The following PRKD2 variants were observed in gnomAD, a reference collection of about 807,000 sequenced individuals.
PRKD2 encodes protein kinase D2.
Under a neutral mutation model 86.0 loss-of-function variants are expected in PRKD2, and 22 were observed. The ratio of observed to expected loss-of-function variants is 0.26; its 90% confidence interval spans 0.18 to 0.37. PRKD2 has a LOEUF of 0.37. Ranked by LOEUF, PRKD2 falls within the 10% of genes least tolerant of loss-of-function variation. The pLI, the probability that PRKD2 is intolerant of heterozygous loss-of-function variation, is 1.00. For synonymous variants in PRKD2, 509 were observed against 510.9 expected, an observed-to-expected ratio of 1.00 and a Z score of 0.05; for missense variants, 818 against 1,199.2, an observed-to-expected ratio of 0.68 and a Z score of 4.70.
At position 46,678,666 on chromosome 19, in the gene PRKD2, G is replaced by A. The variant is rs1243546230; in HGVS notation, c.2071-3C>T. On this transcript the variant is annotated splice_region_variant and splice_polypyrimidine_tract_variant and intron_variant, in intron 15 of 17. Transcript: ENST00000291281. The surrounding 1 kb of genome is among the most constrained non-coding windows in gnomAD (Gnocchi z 5.7). Reference sequence around the variant, plus strand: ...AAGCCAAAGTCACACAGCTTCACCTGCAGAGGGCAAGGGATGGAGGCTCCA... The same window carrying A: ...AAGCCAAAGTCACACAGCTTCACCTACAGAGGGCAAGGGATGGAGGCTCCA... 6.2e-7 allele frequency: 1 copy of A among 1,601,466 alleles called. No homozygotes were observed. Among genetic ancestry groups the A allele is most frequent in the African/African-American group, 1.3e-5 (1 of 75,002 alleles).
At chr19:46,695,674 G>C (rs1291475761) in intron 9 of PRKD2, among the ~76,000 whole-genome samples, 1 of 152,110 alleles carries the variant, frequency 6.6e-6, no homozygotes, top group Non-Finnish European at 1.5e-5. Flanking sequence ...AGGCTGAGGG[G>C]ACCCAGGCGG....
intron 3 of PRKD2, 34 bp from the exon 4 acceptor site, chr19:46,704,683 G>A (rs773201993): frequency 1.3e-6 from 2 of 1,565,156 alleles, no homozygotes; most frequent in East Asian, 2.2e-5. Context: ...GAGACATGGC[G>A]TCTGCCCCTC....
At chr19:46,703,948 A>C (rs1429414330) in intron 5 of PRKD2, among the ~76,000 whole-genome samples, 6 of 83,978 alleles carry the variant, frequency 7.1e-5, no homozygotes, top group Admixed American at 3.9e-4. Flanking sequence ...TGTCTCCAAA[A>C]AACAACAACA....
Position 46,710,713 on chromosome 19 carries a change from G to A in PRKD2, c.511+194C>T, listed in dbSNP as rs1013866721. 4 of 553,784 alleles carry A rather than the reference G, an allele frequency of 7.2e-6. No homozygotes were observed. The East Asian group carries it at 1.1e-4, about 15-fold the overall frequency. The allele number at this position is 553,784 out of a possible 1,614,324, so 34.3% of individuals were successfully genotyped here. A position where few individuals can be genotyped will look rare whatever the true frequency, so the allele number is the denominator to read the frequency against. ...GGCTCCGCCCCTAGACCTGAGCCCC[G>A]GCCCAGCCCCACCACTCCTTCCCCA... On this transcript the variant is annotated intron_variant, in intron 3 of 17. Coordinates refer to ENST00000291281, the MANE Select transcript of PRKD2 (RefSeq NM_016457.5).
At chr19:46,686,570 T>C (rs2053400822) in intron 14 of PRKD2, among the ~76,000 whole-genome samples, 1 of 151,630 alleles carries the variant, frequency 6.6e-6, no homozygotes, top group East Asian at 1.9e-4. Flanking sequence ...GAGAATTGCT[T>C]CAGCCTAGGA....
chr19:46,705,360 T>G (rs2053699468), intron 3 of PRKD2, among the ~76,000 whole-genome samples: 1 of 151,590 alleles, frequency 6.6e-6, no homozygotes, highest in Non-Finnish European at 1.5e-5. Flanking sequence ...ACCCCAACTT[T>G]CCAAAAGAAA....
intron 14 of PRKD2, among the ~76,000 whole-genome samples, chr19:46,686,960 T>A (rs977412143): frequency 8.1e-5 from 12 of 148,428 alleles, no homozygotes; most frequent in East Asian, 8.0e-4. Flanking sequence ...CAAAAAAAAA[T>A]AAAAAATAAA....
At chr19:46,694,256 A>G in intron 9 of PRKD2, 123 bp from the exon 10 acceptor site, 1 of 1,285,784 alleles carries the variant, frequency 7.8e-7, no homozygotes, top group Non-Finnish European at 1.1e-6. Context: ...CAGTGGTCAG[A>G]CAAGTTCCCA....
Position 46,716,571 on chromosome 19 carries a change from G to A in PRKD2, c.-201C>T, listed in dbSNP as rs899929260. The A allele has an allele frequency of 2.1e-5, 9 of 424,792 alleles. No homozygotes were observed. The highest frequency in any genetic ancestry group is 1.7e-4 in the African/African-American group (8 of 48,400). The allele number at this position is 424,792 out of a possible 1,614,324, so 26.3% of individuals were successfully genotyped here. ...GAGAAAGGCACTATAGTGGGTCAGA[G>A]GCCCGGAATCCAGGGCTCCCAGAAG... On this transcript the variant is annotated 5_prime_UTR_variant, in exon 1 of 18. Coordinates refer to ENST00000291281, the MANE Select transcript of PRKD2 (RefSeq NM_016457.5). The surrounding 1 kb of genome is among the most constrained non-coding windows in gnomAD (Gnocchi z 7.9).
intron 9 of PRKD2, among the ~76,000 whole-genome samples, chr19:46,694,939 A>T (rs1789492084): frequency 6.6e-6 from 1 of 151,752 alleles, no homozygotes; most frequent in Non-Finnish European, 1.5e-5. Flanking sequence ...TGGTGCCACA[A>T]GCCTGTAATC....
Position 46,716,115 on chromosome 19 carries a change from G to A in PRKD2, c.240+16C>T. ...AACCTCTCCCCGAGCTGGATCCAGG[G>A]AGCCTGCGCCCTCACCTTCTGGTCC... On this transcript the variant is annotated intron_variant, in intron 1 of 17. Coordinates refer to ENST00000291281, the MANE Select transcript of PRKD2 (RefSeq NM_016457.5). This position sits in a 1 kb window ranked among gnomAD's most constrained non-coding sequence, Gnocchi z 7.9. 1 of 1,606,680 alleles carries A rather than the reference G, an allele frequency of 6.2e-7. No homozygotes were observed.
At chr19:46,695,818 G>C (rs2053549693) in intron 9 of PRKD2, among the ~76,000 whole-genome samples, 1 of 152,088 alleles carries the variant, frequency 6.6e-6, no homozygotes, top group South Asian at 2.1e-4. Flanking sequence ...GGGGGGCATG[G>C]TGAGGACAGC....
At chr19:46,714,092 T>C in intron 1 of PRKD2, 91 bp from the exon 2 acceptor site, 2 of 1,488,544 alleles carry the variant, frequency 1.3e-6, no homozygotes, top group Non-Finnish European at 1.8e-6. Context: ...CAGGGCCGGC[T>C]GTTTCCCCCG....
At chr19:46,675,251 C>A (rs1336317152) in intron 16 of PRKD2, 133 bp from the exon 17 acceptor site, 2 of 711,992 alleles carry the variant, frequency 2.8e-6, no homozygotes, top group Non-Finnish European at 4.8e-6. Flanking sequence ...AGAAGCCTCA[C>A]CTGTGCCAAT....
chr19:46,700,877 C>G lies in PRKD2; in HGVS notation c.1043G>C (p.Gly348Ala). The G allele has an allele frequency of 1.2e-6, 2 of 1,614,266 alleles. No individual in the cohort carries two copies. Among genetic ancestry groups the G allele is most frequent in the Non-Finnish European group, 1.7e-6 (2 of 1,180,042 alleles). ...CTCTGAGTGGGAGCCAGGGATGACA[C>G]CGGAGTCCTCTGACTCATCCATGAG... ...SALMDESEDS[G>A]VIPGSHSENA... The change falls in exon 7 of 18, where the codon GGT becomes GCT. Residue 348 changes from glycine to alanine, a missense_variant. Coordinates refer to ENST00000291281, the MANE Select transcript of PRKD2 (RefSeq NM_016457.5).
intron 14 of PRKD2, 123 bp downstream of exon 14, chr19:46,689,414 T>C: frequency 8.4e-7 from 1 of 1,183,794 alleles, no homozygotes; most frequent in East Asian, 2.6e-5. Context: ...AGCCTGATGA[T>C]GGTTTCTGTT....
intron 2 of PRKD2, 66 bp downstream of exon 2, chr19:46,713,797 C>T: frequency 2.3e-6 from 3 of 1,283,228 alleles, no homozygotes; most frequent in East Asian, 2.6e-5. Context: ...TCCCCCTACC[C>T]TCTCCTCCCC....
rs537848612 is a variant in PRKD2 at position 46,717,081 on chromosome 19, T to TCGGCGG, written c.-717_-712dup. On this transcript the variant is annotated 5_prime_UTR_variant, in exon 1 of 18. Coordinates refer to ENST00000291281, the MANE Select transcript of PRKD2 (RefSeq NM_016457.5). ...TCTTTTTCCCCCTCCAAAGTTTAAGTCGGCGGCGGCGGCGGCGGCCCAGGA... is the reference window on the plus strand; with the variant it reads ...TCTTTTTCCCCCTCCAAAGTTTAAGTCGGCGGCGGCGGCGGCGGCGGCGGCCCAGGA... The TCGGCGG allele has an allele frequency of 1.3e-4, 20 of 153,214 alleles. No individual in the cohort carries two copies. Among genetic ancestry groups the TCGGCGG allele is most frequent in the Non-Finnish European group, 2.0e-4 (14 of 69,134 alleles). The allele number at this position is 153,214 out of a possible 1,614,324, so 9.5% of individuals were successfully genotyped here. A position where few individuals can be genotyped will look rare whatever the true frequency, so the allele number is the denominator to read the frequency against.
At chr19:46,689,760 A>G in intron 13 of PRKD2, 62 bp from the exon 14 acceptor site, 10 of 1,579,718 alleles carry the variant, frequency 6.3e-6, no homozygotes, top group Non-Finnish European at 8.7e-6. Context: ...CCAACGGGTC[A>G]GGTATAGGAG....
Sources: gnomAD v4.1 joint callset for allele counts (sites outside exome capture counted in the v4.1 genomes callset) on GRCh38, gnomAD v4.1.1 for gene constraint, Gnocchi (gnomAD v3.1) non-coding constraint, MANE v1.5 for transcripts, NCBI Gene and HGNC (gene_info 2026-07-23, HGNC 2026-07-21) for gene names.